Variants in ADRA1A observed in about 807,000 individuals in gnomAD.
ADRA1A encodes the protein alpha-1A adrenergic receptor.
A neutral mutation model predicts 29.6 loss-of-function variants in ADRA1A; 31 were observed. That is an observed-to-expected ratio of 1.05 (90% CI 0.79 to 1.41). ADRA1A has a LOEUF of 1.41. Ranked by LOEUF, ADRA1A falls within the 40% of genes most tolerant of loss-of-function variation. The probability of loss-of-function intolerance (pLI) is 0.00; values close to 1 mark genes in which losing one functional copy is unlikely to be tolerated. For synonymous variants in ADRA1A, 311 were observed against 254.3 expected (o/e 1.22, Z -2.12); for missense variants, 619 against 601.1 (o/e 1.03, Z -0.31).
At chr8:26,792,521 C>T (rs1278439068) in intron 2 of ADRA1A, among the ~76,000 whole-genome samples, 1 of 151,064 alleles carries the variant, frequency 6.6e-6, no homozygotes, top group African/African-American at 2.4e-5. Flanking sequence ...ACTGGAAGGA[C>T]ATTCTCTTAG....
rs947236951 is a variant in ADRA1A at position 26,825,044 on chromosome 8, A to C, written c.883+39043T>G. Among the ~76,000 whole-genome samples the C allele has an allele frequency of 9.9e-5, 15 of 152,130 alleles. No homozygotes were observed. The highest frequency in any genetic ancestry group is 2.2e-4 in the Non-Finnish European group (15 of 68,034). On this transcript the variant is annotated intron_variant, in intron 2 of 2. Coordinates refer to ENST00000380573, the MANE Select transcript of ADRA1A (RefSeq NM_000680.4). The surrounding 1 kb of genome is among the most constrained non-coding windows in gnomAD (Gnocchi z 5.7). ...ATCTGCAGTGTGGAATTGAGTTACC[A>C]GTGGAGCAACATGCCAGCTTCCTTC...
intron 2 of ADRA1A, among the ~76,000 whole-genome samples, chr8:26,799,658 G>A (rs987753142): frequency 1.3e-5 from 2 of 152,106 alleles, no homozygotes; most frequent in African/African-American, 4.8e-5. Context: ...CCCAGATTAT[G>A]GAACAAGCTC....
intron 2 of ADRA1A, among the ~76,000 whole-genome samples, chr8:26,779,943 G>A (rs915803589): frequency 6.6e-6 from 1 of 152,170 alleles, no homozygotes; most frequent in African/African-American, 2.4e-5. Context: ...GATGGAAAGG[G>A]AAGAAACCAT....
At chr8:26,776,949 G>T (rs554473612) in intron 2 of ADRA1A, among the ~76,000 whole-genome samples, 17 of 152,202 alleles carry the variant, frequency 1.1e-4, no homozygotes, top group African/African-American at 4.1e-4. Flanking sequence ...GCAGAGGAGA[G>T]AGACAGGCTG....
At chr8:26,773,417 T>G (rs1409702941) in intron 2 of ADRA1A, among the ~76,000 whole-genome samples, 1 of 152,174 alleles carries the variant, frequency 6.6e-6, no homozygotes, top group Non-Finnish European at 1.5e-5. Flanking sequence ...AACCTATATA[T>G]TGTCCAATAT....
At chr8:26,850,510 G>C (rs1326622186) in intron 2 of ADRA1A, among the ~76,000 whole-genome samples, 3 of 152,196 alleles carry the variant, frequency 2.0e-5, no homozygotes, top group Admixed American at 6.5e-5. Context: ...TGTTGTTGTT[G>C]TCAGAGACAA....
intron 2 of ADRA1A, among the ~76,000 whole-genome samples, chr8:26,783,377 A>G (rs1185745656): frequency 6.6e-6 from 1 of 152,162 alleles, no homozygotes; most frequent in Non-Finnish European, 1.5e-5. Context: ...CTGTTAACTC[A>G]GCTGAGCGAT....
chr8:26,819,328 G>A (rs1219871967), intron 2 of ADRA1A, among the ~76,000 whole-genome samples: 3 of 151,702 alleles, frequency 2.0e-5, no homozygotes, highest in Non-Finnish European at 4.4e-5. Flanking sequence ...TGAAATAAAG[G>A]GATACTAATA....
intron 2 of ADRA1A, among the ~76,000 whole-genome samples, chr8:26,781,789 C>T (rs1247343425): frequency 1.3e-5 from 2 of 152,244 alleles, no homozygotes; most frequent in Admixed American, 6.5e-5. Context: ...GAAGCAGTGA[C>T]ACAAACAACC....
intron 2 of ADRA1A, among the ~76,000 whole-genome samples, chr8:26,797,444 G>C (rs965668603): frequency 6.6e-6 from 1 of 151,866 alleles, no homozygotes; most frequent in Non-Finnish European, 1.5e-5. Context: ...CTATAGGCAT[G>C]AGCCACCATG....
At chr8:26,748,826 A>G (rs1804803622) in intron 2 of ADRA1A, 5 of 380,444 alleles carry the variant, frequency 1.3e-5, no homozygotes, top group Non-Finnish European at 2.0e-5. Context: ...ATGGCTTTTT[A>G]TAGTGGTTTC....
At chr8:26,849,818 A>C (rs560530589) in intron 2 of ADRA1A, among the ~76,000 whole-genome samples, 2 of 152,304 alleles carry the variant, frequency 1.3e-5, no homozygotes, top group East Asian at 3.9e-4. Flanking sequence ...ATTGTATTCA[A>C]ACAAGACTTA....
At chr8:26,807,550 G>T (rs919793588) in intron 2 of ADRA1A, among the ~76,000 whole-genome samples, 15 of 151,538 alleles carry the variant, frequency 9.9e-5, no homozygotes, top group African/African-American at 3.6e-4. Context: ...TTAATAGACA[G>T]TGAACCTTCA....
At chr8:26,777,908 C>T (rs1156971761) in intron 2 of ADRA1A, among the ~76,000 whole-genome samples, 1 of 152,166 alleles carries the variant, frequency 6.6e-6, no homozygotes, top group Non-Finnish European at 1.5e-5. Flanking sequence ...GACTGAGGCA[C>T]GTTGGTCTAT....
In ADRA1A at chr8:26,815,852, T is replaced by C. The variant is rs62492232; in HGVS notation, c.884-45186A>G. On this transcript the variant is annotated intron_variant, in intron 2 of 2. Coordinates refer to ENST00000380573, the MANE Select transcript of ADRA1A (RefSeq NM_000680.4). This position sits in a 1 kb window ranked among gnomAD's most constrained non-coding sequence, Gnocchi z 4.2. ...AAACAAAGGGTAAGGCAGTGAGTGATTAAGTGCTAATGCTTCTCTGGAGAG... is the reference window on the plus strand; with the variant it reads ...AAACAAAGGGTAAGGCAGTGAGTGACTAAGTGCTAATGCTTCTCTGGAGAG... Among the ~76,000 whole-genome samples the C allele has an allele frequency of 0.071, 10,733 of 152,194 alleles. 386 individuals are homozygous for C. The highest frequency in any genetic ancestry group is 0.1 in the African/African-American group (4,181 of 41,516).
intron 2 of ADRA1A, among the ~76,000 whole-genome samples, chr8:26,846,096 A>G (rs1585821920): frequency 6.6e-6 from 1 of 152,356 alleles, no homozygotes; most frequent in East Asian, 1.9e-4. Context: ...TTTAATTACA[A>G]TTAAAACAAA....
At chr8:26,784,609 T>C (rs1807240969) in intron 2 of ADRA1A, among the ~76,000 whole-genome samples, 2 of 152,194 alleles carry the variant, frequency 1.3e-5, no homozygotes, top group Non-Finnish European at 1.5e-5. Flanking sequence ...AGACTCACTA[T>C]TGTTGTTTAT....
rs1812380496 is a variant in ADRA1A at position 26,848,496 on chromosome 8, T to G, written c.883+15591A>C. 1.3e-5 allele frequency among the ~76,000 whole-genome samples: 2 copies of G among 152,166 alleles called. 1 individual carries two copies. The highest frequency in any genetic ancestry group is 4.1e-4 in the South Asian group (2 of 4,824). On this transcript the variant is annotated intron_variant, in intron 2 of 2. Coordinates refer to ENST00000380573, the MANE Select transcript of ADRA1A (RefSeq NM_000680.4). The surrounding 1 kb of genome is among the most constrained non-coding windows in gnomAD (Gnocchi z 4.3). ...TGAGAATGCAGGGAGAAGGCAACCA[T>G]CTGTGACCTAGCAGGAGAACCCTCA...
chr8:26,815,435 A>G lies in ADRA1A; in HGVS notation c.884-44769T>C, dbSNP rs886935975. 2.0e-5 allele frequency among the ~76,000 whole-genome samples: 3 copies of G among 152,210 alleles called. No individual in the cohort carries two copies. Among genetic ancestry groups the G allele is most frequent in the African/African-American group, 7.2e-5 (3 of 41,450 alleles). On this transcript the variant is annotated intron_variant, in intron 2 of 2. Coordinates refer to ENST00000380573, the MANE Select transcript of ADRA1A (RefSeq NM_000680.4). This position sits in a 1 kb window ranked among gnomAD's most constrained non-coding sequence, Gnocchi z 4.2. ...GCAAAAACCTAAGTATTAATGTAAC[A>G]CTGATTTCAAGCTACCTTATGGGAT...
Sources: allele counts gnomAD v4.1 joint callset (sites outside exome capture counted in the v4.1 genomes callset), GRCh38; gene constraint gnomAD v4.1.1; non-coding constraint Gnocchi (gnomAD v3.1); transcripts MANE v1.5; gene names NCBI Gene and HGNC (gene_info 2026-07-23, HGNC 2026-07-21).